DPH6: variants seen among roughly 807,000 people sequenced by gnomAD.
The protein encoded by DPH6 is diphthamine biosynthesis 6.
A neutral mutation model predicts 38.2 loss-of-function variants in DPH6; 33 were observed. The ratio of observed to expected loss-of-function variants is 0.86; its 90% CI spans 0.65 to 1.15. DPH6 has a LOEUF of 1.15. Among genes scored for constraint, DPH6 ranks in the 50% most tolerant of loss-of-function variants. The probability of loss-of-function intolerance (pLI) is 0.00; values close to 1 mark genes in which losing one functional copy is unlikely to be tolerated. For synonymous variants in DPH6, 108 were observed against 103.0 expected (o/e 1.05, Z -0.30); for missense variants, 325 against 320.0 (o/e 1.02, Z -0.12).
Position 35,382,696 on chromosome 15 carries a change from T to C in DPH6, c.568-780A>G, listed in dbSNP as rs185076374. 1.1e-3 allele frequency among the ~76,000 whole-genome samples: 161 copies of C among 152,242 alleles called. 1 individual carries two copies. The highest frequency in any genetic ancestry group is 9.0e-3 in the Admixed American group (138 of 15,290). ...TAGGCATGAACAAAAAGAAGTCACA[T>C]ACATGTTTATTATGCTTGCAGTTGT... is the stretch of plus-strand genomic sequence containing the variant. On this transcript the variant is annotated intron_variant, in intron 6 of 8. Transcript: ENST00000256538.
intron 3 of DPH6, among the ~76,000 whole-genome samples, chr15:35,230,326 G>A (rs2051508701): frequency 6.6e-6 from 1 of 152,132 alleles, no homozygotes; most frequent in Non-Finnish European, 1.5e-5. Flanking sequence ...AAGGTATAGT[G>A]CCAGACTACC....
chr15:35,197,118 G>C, the DPH6 span, among the ~76,000 whole-genome samples: 1,768 of 152,216 alleles, frequency 0.012, 47 homozygotes, highest in African/African-American at 0.041. Context: ...CAAATTCACA[G>C]TAGAGCTTTG....
At chr15:35,382,450 A>AACACAC (rs56269036) in intron 6 of DPH6, among the ~76,000 whole-genome samples, 4,809 of 150,326 alleles carry the variant, frequency 0.032, 97 homozygotes, top group African/African-American at 0.058. Context: ...CGAAAAACAA[A>AACACAC]ACACACACAC....
Position 35,264,335 on chromosome 15 carries a change from A to G in DPH6, n.201-43753T>C, listed in dbSNP as rs374682477. On this transcript the variant is annotated intron_variant and non_coding_transcript_variant, in intron 3 of 3. Transcript: ENST00000560386. ...TTTTTCTACTTGAGGTAATAACAAG[A>G]GGCAATGCTACTCTTCCTCTTCATT... Among the ~76,000 whole-genome samples, 23 of 152,312 alleles carry G rather than the reference A, an allele frequency of 1.5e-4. 4 individuals are homozygous for G. Among genetic ancestry groups the G allele is most frequent in the East Asian group, 7.7e-4 (4 of 5,186 alleles).
chr15:35,301,289 C>T (rs779546725), intron 3 of DPH6, among the ~76,000 whole-genome samples: 10 of 152,146 alleles, frequency 6.6e-5, no homozygotes, highest in Non-Finnish European at 8.8e-5. Flanking sequence ...CAGGAAAACA[C>T]CAGGACTGTG....
Position 35,370,931 on chromosome 15 carries a change from A to G in DPH6, c.*1219T>C, listed in dbSNP as rs113833900. 3 of 151,860 alleles carry G rather than the reference A, an allele frequency of 2.0e-5. No homozygotes were observed. The highest frequency in any genetic ancestry group is 7.2e-5 in the African/African-American group (3 of 41,512). 9.4% of individuals were successfully genotyped at this position (151,860 alleles called of 1,614,324 possible). A position where few individuals can be genotyped will look rare whatever the true frequency, so the allele number is the denominator to read the frequency against. On this transcript the variant is annotated 3_prime_UTR_variant, in exon 9 of 9. Coordinates refer to ENST00000256538, the MANE Select transcript of DPH6 (RefSeq NM_080650.4). ...TCATAATCGCCAAAACATGGAAGCAACTGAGATGTTCTTCAATAGGTGCAT... is the reference window on the plus strand; with the variant it reads ...TCATAATCGCCAAAACATGGAAGCAGCTGAGATGTTCTTCAATAGGTGCAT...
chr15:35,465,087 G>C (rs1215120035), intron 3 of DPH6, among the ~76,000 whole-genome samples: 2 of 152,106 alleles, frequency 1.3e-5, no homozygotes. Context: ...GAGCCAACAA[G>C]GTAAATTGAA....
the DPH6 span, among the ~76,000 whole-genome samples, chr15:35,161,755 A>T: frequency 6.6e-6 from 1 of 152,028 alleles, no homozygotes; most frequent in Admixed American, 6.6e-5. Context: ...AAACACAGAA[A>T]GATGCCAGCA....
At chr15:35,330,265 C>T (rs1270197339), downstream of DPH6, among the ~76,000 whole-genome samples, 4 of 152,048 alleles carry the variant, frequency 2.6e-5, no homozygotes, top group East Asian at 1.9e-4. Context: ...CATGCGAATA[C>T]GTGAACAAGA....
At chr15:35,376,274 G>A (rs904176953) in intron 7 of DPH6, among the ~76,000 whole-genome samples, 4 of 152,144 alleles carry the variant, frequency 2.6e-5, no homozygotes, top group African/African-American at 9.7e-5. Context: ...TGAATGTACA[G>A]TTAAACTTTG....
At chr15:35,255,463 C>T (rs1023655158) in intron 3 of DPH6, among the ~76,000 whole-genome samples, 1 of 152,130 alleles carries the variant, frequency 6.6e-6, no homozygotes, top group Non-Finnish European at 1.5e-5. Flanking sequence ...TGGAGATATT[C>T]CTTTCAAATA....
chr15:35,267,493 G>C (rs1595453635), intron 3 of DPH6, among the ~76,000 whole-genome samples: 3 of 152,192 alleles, frequency 2.0e-5, no homozygotes, highest in South Asian at 4.1e-4. Context: ...CCTGTCTCTT[G>C]GTCTCTCTAT....
chr15:35,507,807 T>G (rs1480238776), intron 3 of DPH6, among the ~76,000 whole-genome samples: 1 of 152,030 alleles, frequency 6.6e-6, no homozygotes, highest in East Asian at 1.9e-4. Context: ...AACTCTTTAA[T>G]CTGTTAAAAT....
chr15:35,491,283 ACCT>A (rs764897808), intron 3 of DPH6, among the ~76,000 whole-genome samples: 2 of 152,130 alleles, frequency 1.3e-5, no homozygotes, highest in Non-Finnish European at 2.9e-5. Flanking sequence ...TACATAAAGT[ACCT>A]GGCACAGAGT....
At chr15:35,513,485 A>G (rs1467575895) in intron 3 of DPH6, among the ~76,000 whole-genome samples, 2 of 152,068 alleles carry the variant, frequency 1.3e-5, no homozygotes, top group Non-Finnish European at 2.9e-5. Flanking sequence ...TTAAAATAAA[A>G]TAATGTAGAG....
chr15:35,335,217 G>T (rs2052360293), intron 3 of DPH6, among the ~76,000 whole-genome samples: 1 of 152,086 alleles, frequency 6.6e-6, no homozygotes, highest in Non-Finnish European at 1.5e-5. Context: ...GTATGGGTCT[G>T]TTCATGTCCT....
At chr15:35,187,865 A>C in the DPH6 span, among the ~76,000 whole-genome samples, 2 of 152,102 alleles carry the variant, frequency 1.3e-5, no homozygotes, top group African/African-American at 4.8e-5. Context: ...ATCTCAGGCC[A>C]GGTGAGGTGG....
intron 3 of DPH6, among the ~76,000 whole-genome samples, chr15:35,230,198 C>T (rs1485730923): frequency 2.0e-5 from 3 of 152,204 alleles, no homozygotes; most frequent in East Asian, 3.8e-4. Flanking sequence ...ACCTGGTGTT[C>T]TACTATACTG....
chr15:35,222,529 C>T (rs2051449139), intron 3 of DPH6, among the ~76,000 whole-genome samples: 1 of 151,958 alleles, frequency 6.6e-6, no homozygotes, highest in Non-Finnish European at 1.5e-5. Flanking sequence ...AAGGGTAGGA[C>T]AACTTGAAGG....
Sources: allele counts gnomAD v4.1 joint callset (sites outside exome capture counted in the v4.1 genomes callset), GRCh38; gene constraint gnomAD v4.1.1; transcripts MANE v1.5; gene names NCBI Gene and HGNC (gene_info 2026-07-23, HGNC 2026-07-21).